RRAS2: variants seen among roughly 807,000 people sequenced by gnomAD.
RRAS2 encodes the protein RAS related 2, also known as ras-related protein R-Ras2.
Under a neutral mutation model 27.6 loss-of-function variants are expected in RRAS2, and 7 were observed. That is an observed-to-expected ratio of 0.25 (90% confidence interval 0.14 to 0.48). The LOEUF is 0.48. Among genes scored for constraint, RRAS2 ranks in the 20% least tolerant of loss-of-function variants. The pLI is 0.99. For missense variants in RRAS2, 178 were observed against 256.2 expected, an observed-to-expected ratio of 0.69 and a Z score of 2.08; for synonymous variants, 86 against 90.9, an observed-to-expected ratio of 0.95 and a Z score of 0.31.
At chr11:14,284,732 T>A (rs1218659645) in intron 4 of RRAS2, among the ~76,000 whole-genome samples, 4 of 152,196 alleles carry the variant, frequency 2.6e-5, no homozygotes, top group Non-Finnish European at 5.9e-5. Flanking sequence ...TCTTTATCAT[T>A]ATATAACACT....
intron 1 of RRAS2, among the ~76,000 whole-genome samples, chr11:14,301,960 G>A (rs1357967204): frequency 4.6e-5 from 7 of 152,052 alleles, no homozygotes; most frequent in Non-Finnish European, 1.0e-4. Context: ...TCCAGCCTGG[G>A]CAACAGAGCG....
intron 1 of RRAS2, among the ~76,000 whole-genome samples, chr11:14,304,982 A>G (rs1463329034): frequency 6.6e-6 from 1 of 152,206 alleles, no homozygotes; most frequent in Non-Finnish European, 1.5e-5. Context: ...AACATGTACA[A>G]TTATATATGT....
At chr11:14,281,116 G>GGA (rs1185255459) in intron 5 of RRAS2, among the ~76,000 whole-genome samples, 1 of 152,180 alleles carries the variant, frequency 6.6e-6, no homozygotes, top group African/African-American at 2.4e-5. Context: ...AAGAAAGGTA[G>GGA]GAGCACAGGC....
intron 1 of RRAS2, among the ~76,000 whole-genome samples, chr11:14,321,742 C>T (rs1554950301): frequency 6.6e-6 from 1 of 152,154 alleles, no homozygotes; most frequent in South Asian, 2.1e-4. Context: ...TCACTAAATG[C>T]TCCCCTGCTT....
At chr11:14,363,690 G>T (rs1442548879), upstream of RRAS2, among the ~76,000 whole-genome samples, 1 of 152,158 alleles carries the variant, frequency 6.6e-6, no homozygotes, top group Non-Finnish European at 1.5e-5. Context: ...AGAATCACTC[G>T]AACCGGGGAG....
chr11:14,357,610 G>A (rs1178818299), intron 1 of RRAS2, among the ~76,000 whole-genome samples: 2 of 152,154 alleles, frequency 1.3e-5, no homozygotes, highest in African/African-American at 4.8e-5. Context: ...AATGTGAAAG[G>A]TGACAATCAC....
intron 1 of RRAS2, among the ~76,000 whole-genome samples, chr11:14,328,003 C>G (rs191712196): frequency 2.8e-4 from 42 of 152,228 alleles, no homozygotes; most frequent in Non-Finnish European, 4.6e-4. Context: ...AAAAAAAAGT[C>G]TTGACAGGAT....
chr11:14,336,248 T>C (rs1288957862), intron 1 of RRAS2, among the ~76,000 whole-genome samples: 2 of 152,118 alleles, frequency 1.3e-5, no homozygotes, highest in Non-Finnish European at 2.9e-5. Flanking sequence ...AGCACTTCCC[T>C]TTCTCCTGCC....
intron 5 of RRAS2, among the ~76,000 whole-genome samples, chr11:14,280,920 A>G (rs1849516364): frequency 6.6e-6 from 1 of 152,092 alleles, no homozygotes; most frequent in Admixed American, 6.5e-5. Flanking sequence ...GTACCTCGTA[A>G]TTCTATCAGA....
At chr11:14,362,813 G>A (rs1591497567), upstream of RRAS2, among the ~76,000 whole-genome samples, 1 of 152,312 alleles carries the variant, frequency 6.6e-6, no homozygotes, top group Non-Finnish European at 1.5e-5. Flanking sequence ...ATGCCAAGCT[G>A]GGTGTTATCC....
intron 1 of RRAS2, among the ~76,000 whole-genome samples, chr11:14,327,587 C>T (rs1490988710): frequency 6.6e-6 from 1 of 152,112 alleles, no homozygotes; most frequent in East Asian, 1.9e-4. Flanking sequence ...CTCTACCCCC[C>T]TTTCTCTTCA....
intron 1 of RRAS2, among the ~76,000 whole-genome samples, chr11:14,302,223 G>A (rs1244010159): frequency 6.6e-6 from 1 of 152,032 alleles, no homozygotes; most frequent in African/African-American, 2.4e-5. Context: ...AAACATTCTA[G>A]AAGCAAAATT....
chr11:14,318,210 T>C (rs1234855956), intron 1 of RRAS2, among the ~76,000 whole-genome samples: 1 of 152,068 alleles, frequency 6.6e-6, no homozygotes, highest in African/African-American at 2.4e-5. Flanking sequence ...TTTTAATACT[T>C]GAGTGCAGCC....
intron 1 of RRAS2, among the ~76,000 whole-genome samples, chr11:14,351,882 G>A (rs1442112046): frequency 5.4e-5 from 7 of 128,616 alleles, no homozygotes; most frequent in African/African-American, 2.0e-4. Context: ...GTGACAGAGT[G>A]AGACTCCGTC....
At chr11:14,289,741 C>A (rs1241842004) in intron 4 of RRAS2, among the ~76,000 whole-genome samples, 2 of 152,118 alleles carry the variant, frequency 1.3e-5, no homozygotes, top group African/African-American at 4.8e-5. Context: ...CAACCCAGTC[C>A]ACAGATACAG....
chr11:14,314,564 T>C (rs1337847044), intron 1 of RRAS2, among the ~76,000 whole-genome samples: 3 of 152,196 alleles, frequency 2.0e-5, no homozygotes, highest in Non-Finnish European at 4.4e-5. Flanking sequence ...ATCAATTAGA[T>C]GCCATAAAAT....
At chr11:14,321,589 C>A (rs1466657008) in intron 1 of RRAS2, among the ~76,000 whole-genome samples, 1 of 152,132 alleles carries the variant, frequency 6.6e-6, no homozygotes, top group African/African-American at 2.4e-5. Context: ...TCACTTCTAG[C>A]CAGGTTGGAT....
At chr11:14,353,623 A>C (rs922236548) in intron 1 of RRAS2, among the ~76,000 whole-genome samples, 2 of 152,038 alleles carry the variant, frequency 1.3e-5, no homozygotes, top group Non-Finnish European at 1.5e-5. Flanking sequence ...TCCCCACTCA[A>C]TTCCTACAAC....
intron 1 of RRAS2, among the ~76,000 whole-genome samples, chr11:14,303,320 G>A (rs1445534587): frequency 2.0e-5 from 3 of 152,140 alleles, no homozygotes; most frequent in Admixed American, 1.3e-4. Flanking sequence ...GATATACTGA[G>A]TTAAACTCAA....
Sources: allele counts gnomAD v4.1 joint callset (sites outside exome capture counted in the v4.1 genomes callset), GRCh38; gene constraint gnomAD v4.1.1; transcripts MANE v1.5; gene names NCBI Gene and HGNC (gene_info 2026-07-23, HGNC 2026-07-21).